Variants in CCDC33 observed in about 807,000 individuals in gnomAD.
CCDC33 encodes the protein coiled-coil domain-containing protein 33.
In CCDC33, 94 loss-of-function variants were observed where a neutral mutation model predicts 91.9. That is an observed-to-expected ratio of 1.02 (90% confidence interval 0.87 to 1.21). The LOEUF is 1.21. Ranked by LOEUF, CCDC33 falls within the 50% of genes most tolerant of loss-of-function variation. The pLI is 0.00. For missense variants in CCDC33, 940 were observed against 935.5 expected, an observed-to-expected ratio of 1.00 and a Z score of -0.06; for synonymous variants, 396 against 374.5, an observed-to-expected ratio of 1.06 and a Z score of -0.66.
intron 2 of CCDC33, among the ~76,000 whole-genome samples, chr15:74,225,727 G>A (rs1349567035): frequency 6.6e-6 from 1 of 152,204 alleles, no homozygotes; most frequent in African/African-American, 2.4e-5. Context: ...TGATATATGA[G>A]GTGAGATTAA....
At chr15:74,210,291 A>G (rs143499823) in intron 2 of CCDC33, among the ~76,000 whole-genome samples, 96 of 152,362 alleles carry the variant, frequency 6.3e-4, no homozygotes, top group African/African-American at 2.2e-3. Context: ...AACAACCCCA[A>G]TATCCATCCA....
chr15:74,315,746 C>T (rs1331703335), intron 11 of CCDC33, among the ~76,000 whole-genome samples: 1 of 152,120 alleles, frequency 6.6e-6, no homozygotes. Flanking sequence ...GCACAGAGGC[C>T]GGATGCACTG....
intron 11 of CCDC33, among the ~76,000 whole-genome samples, chr15:74,326,650 G>A (rs1331402647): frequency 6.6e-6 from 1 of 152,256 alleles, no homozygotes; most frequent in Non-Finnish European, 1.5e-5. Flanking sequence ...AAAGCGCAGT[G>A]TCAATGGGTG....
In CCDC33 at chr15:74,268,426, C is replaced by T. The variant is rs201064106; in HGVS notation, c.514C>T (p.Arg172Cys). 72 of 1,605,012 alleles carry T rather than the reference C, an allele frequency of 4.5e-5. No homozygotes were observed. In the East Asian group the frequency reaches 8.0e-4, roughly 18 times the overall value. Residue 172 changes from arginine to cysteine, a missense_variant, in exon 5 of 19, where the codon CGC (arginine) becomes TGC (cysteine). Coordinates refer to ENST00000398814, the MANE Select transcript of CCDC33 (RefSeq NM_025055.5). ...TVVRKSSFIP[R>C]YIGCNHMALE... is the part of the protein sequence containing the mutation. ...CGTTCGGAAGAGCAGCTTCATACCC[C>T]GCTACATCGGCTGCAACCACATGGC... is the stretch of plus-strand genomic sequence containing the variant.
intron 1 of CCDC33, among the ~76,000 whole-genome samples, chr15:74,242,558 A>T (rs567918732): frequency 1.1e-3 from 175 of 152,268 alleles, no homozygotes; most frequent in African/African-American, 4.1e-3. Context: ...CACCCTGAGG[A>T]GGTCCATTGC....
intron 2 of CCDC33, among the ~76,000 whole-genome samples, chr15:74,228,052 T>C (rs2074856008): frequency 6.6e-6 from 1 of 152,194 alleles, no homozygotes; most frequent in South Asian, 2.1e-4. Context: ...GATTCCTCCA[T>C]GCAGGAAGCA....
At chr15:74,334,952 A>G (rs761279545) in intron 17 of CCDC33, 23 bp from the exon 18 acceptor site, 2 of 1,586,308 alleles carry the variant, frequency 1.3e-6, no homozygotes, top group East Asian at 2.2e-5. Flanking sequence ...TGGTCCTCCA[A>G]TTGTCCCTCT....
chr15:74,206,567 C>G (rs532207207), intron 1 of CCDC33, among the ~76,000 whole-genome samples: 7 of 152,266 alleles, frequency 4.6e-5, no homozygotes, highest in Non-Finnish European at 1.0e-4. Context: ...GGCACTGATA[C>G]CCAGGAAGGC....
chr15:74,329,199 A>AT (rs1207066341), intron 11 of CCDC33, among the ~76,000 whole-genome samples: 2 of 151,852 alleles, frequency 1.3e-5, no homozygotes, highest in Admixed American at 6.6e-5. Context: ...GGCAGGCATG[A>AT]TTTTTTCTCT....
rs747520011 is a variant in CCDC33 at position 74,330,304 on chromosome 15, A to T, written c.1406A>T (p.Gln469Leu). ...ENRILRSRLA[Q>L]QEEEEGQGKA... The stretch of plus-strand genomic sequence containing the variant: ...CGCATACTGAGGAGCCGCCTGGCCC[A>T]GCAGGAGGAGGAAGAGGGGCAGGGC... The change falls in exon 12 of 19, where the codon CAG becomes CTG. Residue 469 changes from glutamine to leucine, a missense_variant. Transcript: ENST00000398814. 7 of 1,611,034 alleles carry T rather than the reference A, an allele frequency of 4.3e-6. No individual in the cohort carries two copies. The South Asian group carries it at 7.7e-5, about 18-fold the overall frequency.
At chr15:74,276,547 C>T (rs1273459465) in intron 7 of CCDC33, among the ~76,000 whole-genome samples, 2 of 152,176 alleles carry the variant, frequency 1.3e-5, no homozygotes, top group African/African-American at 4.8e-5. Context: ...TGCTAGCCTC[C>T]CCTCAGGCCC....
intron 11 of CCDC33, among the ~76,000 whole-genome samples, chr15:74,308,004 G>A (rs923442046): frequency 2.0e-5 from 3 of 151,922 alleles, no homozygotes; most frequent in African/African-American, 7.3e-5. Context: ...ACCTTCAGGA[G>A]GACAGGCCCT....
intron 13 of CCDC33, 56 bp downstream of exon 13, chr15:74,330,807 G>A: frequency 1.3e-6 from 2 of 1,545,682 alleles, no homozygotes; most frequent in South Asian, 1.1e-5. Context: ...GGAGCATCGG[G>A]GTGAGAAGAG....
At chr15:74,287,033 A>ATAG (rs1567001141) in intron 10 of CCDC33, among the ~76,000 whole-genome samples, 1 of 152,238 alleles carries the variant, frequency 6.6e-6, no homozygotes, top group Non-Finnish European at 1.5e-5. Context: ...CTTAGCAAAT[A>ATAG]TAGAGGAAAG....
intron 7 of CCDC33, among the ~76,000 whole-genome samples, chr15:74,273,968 A>G (rs560201649): frequency 2.0e-5 from 3 of 149,328 alleles, no homozygotes; most frequent in Non-Finnish European, 4.5e-5. Context: ...GGTAGCTGGG[A>G]TTACTGGCAC....
rs115964858 is a variant in CCDC33, at chr15:74,249,999, G to A, written c.185+5851G>A. Among the ~76,000 whole-genome samples, 423 of 152,174 alleles carry A rather than the reference G, an allele frequency of 2.8e-3. 3 individuals carry two copies. Among genetic ancestry groups the A allele is most frequent in the African/African-American group, 9.1e-3 (378 of 41,490 alleles). On this transcript the variant is annotated intron_variant, in intron 2 of 18. Coordinates refer to ENST00000398814, the MANE Select transcript of CCDC33 (RefSeq NM_025055.5). ...AGCCTGTCTCAGGTTTCTGCCCTATGTGGCTCTTCTTTCTCTAGCCTGTAC... is the reference window on the plus strand; with the variant it reads ...AGCCTGTCTCAGGTTTCTGCCCTATATGGCTCTTCTTTCTCTAGCCTGTAC...
chr15:74,221,216 GTTTTTTTTTTT>G (rs56039521), intron 2 of CCDC33: 333 of 676,412 alleles, frequency 4.9e-4, no homozygotes, highest in African/African-American at 1.1e-3. Context: ...TGTGGCACTG[GTTTTTTTTTTT>G]TTTTTTTTTT....
intron 10 of CCDC33, among the ~76,000 whole-genome samples, chr15:74,292,406 G>A (rs527972862): frequency 6.6e-6 from 1 of 152,280 alleles, no homozygotes; most frequent in East Asian, 1.9e-4. Flanking sequence ...TTCCCCAAAT[G>A]TGAGCTGATT....
chr15:74,213,590 C>G (rs1230398142), upstream of CCDC33: 1 of 152,252 alleles, frequency 6.6e-6, no homozygotes, highest in African/African-American at 2.4e-5. Context: ...AGCCAACCTT[C>G]AGAGGGTGGT....
Sources: allele counts gnomAD v4.1 joint callset (sites outside exome capture counted in the v4.1 genomes callset), GRCh38; gene constraint gnomAD v4.1.1; transcripts MANE v1.5; gene names NCBI Gene and HGNC (gene_info 2026-07-23, HGNC 2026-07-21).